SCN11A: variants seen among roughly 807,000 people sequenced by gnomAD.
The protein encoded by SCN11A is sodium voltage-gated channel alpha subunit 11, also known as sodium channel protein type 11 subunit alpha.
Under a neutral mutation model 162.2 loss-of-function variants are expected in SCN11A, and 122 were observed. The observed-to-expected ratio is 0.75, with a 90% confidence interval of 0.65 to 0.87. The LOEUF is 0.87. SCN11A is among the 40% of genes least tolerant of loss of function. The pLI is 0.00. For missense variants in SCN11A, 2,015 were observed against 2,181.6 expected (o/e 0.92, Z 1.52); for synonymous variants, 758 against 751.5 (o/e 1.01, Z -0.14).
intron 18 of SCN11A, among the ~76,000 whole-genome samples, chr3:38,896,220 G>A (rs1559514991): frequency 6.6e-6 from 1 of 152,166 alleles, no homozygotes; most frequent in African/African-American, 2.4e-5. Context: ...ATGTTTGCAG[G>A]TTTGGTCCAA....
At chr3:38,937,608 A>T (rs1286051227) in intron 7 of SCN11A, among the ~76,000 whole-genome samples, 1 of 151,472 alleles carries the variant, frequency 6.6e-6, no homozygotes, top group East Asian at 1.9e-4. Context: ...TGCAGCCAAA[A>T]AACACATGAA....
At position 38,899,950 on chromosome 3, in the gene SCN11A, C is replaced by T. The variant is rs1575266304; in HGVS notation, c.1966G>A (p.Val656Ile). The T allele has an allele frequency of 6.2e-7, 1 of 1,614,114 alleles. No individual in the cohort carries two copies. ...SIVALLSFAD[V>I]MNCVLQKRSW... ...CTCTTTTGAAGTACACAGTTCATTA[C>T]ATCTGCAAAACTCAGAAGAGCAACA... is the stretch of plus-strand genomic sequence containing the variant. The change falls in exon 17 of 30, where the codon GTA becomes ATA. Residue 656 changes from valine (V) to isoleucine (I), a missense_variant. Transcript: ENST00000302328.
chr3:39,030,592 ATTATTT>A (rs1189707429), intron 2 of SCN11A, among the ~76,000 whole-genome samples: 1 of 152,144 alleles, frequency 6.6e-6, no homozygotes, highest in Non-Finnish European at 1.5e-5. Flanking sequence ...AGAGCTTGAA[ATTATTT>A]TTATTTTTAA....
chr3:39,019,989 T>C (rs749639810), intron 2 of SCN11A, among the ~76,000 whole-genome samples: 5 of 152,196 alleles, frequency 3.3e-5, no homozygotes, highest in Non-Finnish European at 5.9e-5. Flanking sequence ...CCCATAGTGG[T>C]TAATAGTTTG....
intron 23 of SCN11A, among the ~76,000 whole-genome samples, chr3:38,877,947 C>G (rs1031139158): frequency 1.3e-5 from 2 of 151,442 alleles, no homozygotes; most frequent in African/African-American, 4.8e-5. Flanking sequence ...ATTTTATGTT[C>G]TTACTCATAA....
In SCN11A at chr3:38,872,295, C is replaced by T. The variant is rs1374951928; in HGVS notation, c.3394-1G>A. ...AGTTAATGAGGGTGGTCACAGAGAC[C>T]TGATGGGAAGAGAGGCCACAGATAA... On this transcript the variant is annotated splice_acceptor_variant, in intron 23 of 29. Transcript: ENST00000302328. LOFTEE classifies it high-confidence loss of function. 6.4e-7 allele frequency: 1 copy of T among 1,554,772 alleles called. No homozygotes were observed. Among genetic ancestry groups the T allele is most frequent in the Admixed American group, 1.7e-5 (1 of 59,832 alleles).
rs2032397241 is a variant in SCN11A, at chr3:39,051,883, CACAGCAACTA to C, written c.-436_-427del. Reference sequence around the variant, plus strand: ...TACCTCATCACATGGCTACCGGCCACACAGCAACTAACAGCACCGAGGAAACACAACAGCC... The same window carrying C: ...TACCTCATCACATGGCTACCGGCCACACAGCACCGAGGAAACACAACAGCC... On this transcript the variant is annotated 5_prime_UTR_variant, in exon 1 of 30. Coordinates refer to ENST00000302328, the MANE Select transcript of SCN11A (RefSeq NM_001349253.2). The C allele has an allele frequency of 1.0e-6, 1 of 976,016 alleles. No homozygotes were observed. Among genetic ancestry groups the C allele is most frequent in the African/African-American group, 1.6e-5 (1 of 61,222 alleles). 60.5% of individuals were successfully genotyped at this position (976,016 alleles called of 1,614,324 possible).
chr3:38,883,671 A>C (rs1397997035), intron 21 of SCN11A, among the ~76,000 whole-genome samples: 5 of 152,174 alleles, frequency 3.3e-5, no homozygotes, highest in African/African-American at 1.2e-4. Flanking sequence ...TCCATAAAAA[A>C]AGGCAAATTC....
At chr3:38,949,192 G>A (rs1046965607) in intron 5 of SCN11A, among the ~76,000 whole-genome samples, 3 of 152,190 alleles carry the variant, frequency 2.0e-5, no homozygotes, top group Admixed American at 2.0e-4. Context: ...GTATGGCAAG[G>A]TGGGGTTTCC....
intron 7 of SCN11A, among the ~76,000 whole-genome samples, chr3:38,931,697 G>C (rs1361042576): frequency 1.3e-5 from 2 of 152,102 alleles, no homozygotes; most frequent in Non-Finnish European, 2.9e-5. Flanking sequence ...TCCCTAATAA[G>C]TGCCTGCAAG....
chr3:38,852,430 A>T (rs1042927813), intron 28 of SCN11A, among the ~76,000 whole-genome samples: 2 of 152,170 alleles, frequency 1.3e-5, no homozygotes. Flanking sequence ...GTTAACTCTA[A>T]CATCTAGACA....
intron 2 of SCN11A, among the ~76,000 whole-genome samples, chr3:39,001,385 T>C (rs1008105881): frequency 7.2e-5 from 11 of 152,258 alleles, no homozygotes; most frequent in Non-Finnish European, 1.0e-4. Flanking sequence ...ATATGTGGTC[T>C]TTTGGCTTCT....
chr3:38,998,125 A>C (rs1484151536), intron 2 of SCN11A, among the ~76,000 whole-genome samples: 1 of 152,202 alleles, frequency 6.6e-6, no homozygotes, highest in Non-Finnish European at 1.5e-5. Context: ...CCCAAAACTG[A>C]TTAGAATGAG....
rs746903558 is a variant in SCN11A at position 38,894,753 on chromosome 3, C to A, written c.2615G>T (p.Gly872Val). Residue 872 changes from glycine to valine, a missense_variant, in exon 19 of 30, where the codon GGC (glycine) becomes GTC (valine). Transcript: ENST00000302328. ...NLPQQKEVAG[G>V]CAAQSKDIIP... ...GATGTCTTTGCTTTGTGCAGCACAGCCTCCTGCCACCTCTTTTTGCTGTGG... is the reference window on the plus strand; with the variant it reads ...GATGTCTTTGCTTTGTGCAGCACAGACTCCTGCCACCTCTTTTTGCTGTGG... 3.7e-6 allele frequency: 6 copies of A among 1,614,188 alleles called. No homozygotes were observed. Among genetic ancestry groups the A allele is most frequent in the Non-Finnish European group, 4.2e-6 (5 of 1,180,012 alleles).
intron 2 of SCN11A, among the ~76,000 whole-genome samples, chr3:39,016,257 G>A (rs962438186): frequency 1.3e-5 from 2 of 152,180 alleles, no homozygotes; most frequent in African/African-American, 2.4e-5. Flanking sequence ...GCCATGGGCT[G>A]CCAGGGTAGG....
intron 2 of SCN11A, among the ~76,000 whole-genome samples, chr3:39,020,115 G>A (rs1435974303): frequency 6.6e-6 from 1 of 152,176 alleles, no homozygotes; most frequent in East Asian, 1.9e-4. Context: ...CAATGGAGAT[G>A]ATAATAATAC....
intron 2 of SCN11A, among the ~76,000 whole-genome samples, chr3:39,031,822 T>C (rs1042134660): frequency 1.3e-5 from 2 of 152,226 alleles, no homozygotes; most frequent in Non-Finnish European, 2.9e-5. Flanking sequence ...ATCTGATTAA[T>C]ATCCGTGATA....
chr3:38,896,355 T>C (rs928121342), intron 18 of SCN11A, among the ~76,000 whole-genome samples: 11 of 152,168 alleles, frequency 7.2e-5, no homozygotes, highest in Non-Finnish European at 1.3e-4. Flanking sequence ...GTCCTGGATG[T>C]CAGATCCATA....
chr3:39,050,481 G>A (rs1385372250), intron 1 of SCN11A, among the ~76,000 whole-genome samples: 1 of 152,214 alleles, frequency 6.6e-6, no homozygotes, highest in Non-Finnish European at 1.5e-5. Context: ...ATCAGTGAAT[G>A]AATAAGCCTG....
Sources: gnomAD v4.1 joint callset for allele counts (sites outside exome capture counted in the v4.1 genomes callset) on GRCh38, gnomAD v4.1.1 for gene constraint, MANE v1.5 for transcripts, NCBI Gene and HGNC (gene_info 2026-07-23, HGNC 2026-07-21) for gene names.